The following CEP128 variants were observed in gnomAD, a reference collection of about 807,000 sequenced individuals.
CEP128 encodes the protein centrosomal protein 128.
Under a neutral mutation model 156.7 loss-of-function variants are expected in CEP128, and 132 were observed. That is an observed-to-expected ratio of 0.84 (90% CI 0.73 to 0.97). The LOEUF is 0.97. CEP128 is among the 50% of genes least tolerant of loss of function. CEP128 has a pLI of 0.00. For synonymous variants in CEP128, 469 were observed against 448.9 expected (o/e 1.04, Z -0.57); for missense variants, 1,252 against 1,281.9 (o/e 0.98, Z 0.36).
chr14:80,541,889 A>C (rs1889779556), intron 21 of CEP128, among the ~76,000 whole-genome samples: 1 of 152,214 alleles, frequency 6.6e-6, no homozygotes, highest in Non-Finnish European at 1.5e-5. Flanking sequence ...ACCTGAGTTT[A>C]AACCCTGGGT....
intron 19 of CEP128, among the ~76,000 whole-genome samples, chr14:80,723,021 A>T (rs2619675): frequency 0.63 from 95,725 of 151,502 alleles, 32,445 homozygotes; most frequent in African/African-American, 0.89. Context: ...AGAGACGGGG[A>T]TTCACCGTGT....
chr14:80,831,402 AT>A (rs1885790879), intron 12 of CEP128, 108 bp from the exon 13 acceptor site: 1 of 1,170,248 alleles, frequency 8.5e-7, no homozygotes, highest in African/African-American at 1.5e-5. Flanking sequence ...ATCATAATCC[AT>A]TTATTGACAG....
chr14:80,698,289 A>T (rs897830832), intron 19 of CEP128, among the ~76,000 whole-genome samples: 1 of 152,106 alleles, frequency 6.6e-6, no homozygotes, highest in Non-Finnish European at 1.5e-5. Flanking sequence ...TCCACATTTA[A>T]GAAACTATTT....
At chr14:80,585,456 A>T (rs1315170977) in intron 19 of CEP128, among the ~76,000 whole-genome samples, 1 of 152,196 alleles carries the variant, frequency 6.6e-6, no homozygotes, top group African/African-American at 2.4e-5. Context: ...CCCATCTAGT[A>T]ACTTGAACCT....
At position 80,540,876 on chromosome 14, in the gene CEP128, C is replaced by A. The variant is rs142084973; in HGVS notation, c.2881-9990G>T. Reference sequence around the variant, plus strand: ...AGAATAGGCGGAATCCCCAGAAGGCCAATGGTACCATACCAAATGCTCCCG... The same window carrying A: ...AGAATAGGCGGAATCCCCAGAAGGCAAATGGTACCATACCAAATGCTCCCG... On this transcript the variant is annotated intron_variant, in intron 21 of 24. Coordinates refer to ENST00000555265, the MANE Select transcript of CEP128 (RefSeq NM_152446.5). Among the ~76,000 whole-genome samples, 740 of 152,244 alleles carry A rather than the reference C, an allele frequency of 4.9e-3. 3 individuals carry two copies. The highest frequency in any genetic ancestry group is 8.0e-3 in the Non-Finnish European group (546 of 68,020).
intron 8 of CEP128, among the ~76,000 whole-genome samples, chr14:80,881,171 C>A (rs954640961): frequency 2.0e-5 from 3 of 151,464 alleles, no homozygotes; most frequent in Admixed American, 2.0e-4. Flanking sequence ...AATTGACAAA[C>A]CTTTAGTCAA....
Position 80,497,116 on chromosome 14 carries a change from C to T in CEP128, c.*363G>A. Reference sequence around the variant, plus strand: ...GGCAACTTTTGCCTCAAGGGAAACTCATTTTCCTTCTTTTTAGCCAGTAAT... The same window carrying T: ...GGCAACTTTTGCCTCAAGGGAAACTTATTTTCCTTCTTTTTAGCCAGTAAT... On this transcript the variant is annotated 3_prime_UTR_variant, in exon 25 of 25. Coordinates refer to ENST00000555265, the MANE Select transcript of CEP128 (RefSeq NM_152446.5). 5.8e-6 allele frequency: 1 copy of T among 172,500 alleles called. No individual in the cohort carries two copies. The highest frequency in any genetic ancestry group is 6.2e-5 in the Admixed American group (1 of 16,096). 10.7% of individuals were successfully genotyped at this position (172,500 alleles called of 1,614,324 possible).
chr14:80,512,906 A>G (rs564384865), intron 23 of CEP128, among the ~76,000 whole-genome samples: 64 of 152,092 alleles, frequency 4.2e-4, no homozygotes, highest in African/African-American at 1.4e-3. Context: ...TGTTGTCTCT[A>G]TTTTTATCTT....
At chr14:80,638,995 T>C (rs117670930) in intron 19 of CEP128, among the ~76,000 whole-genome samples, 2,578 of 152,288 alleles carry the variant, frequency 0.017, 31 homozygotes, top group Middle Eastern at 0.027. Context: ...GAATAAATTA[T>C]GGAATGCAGC....
chr14:80,576,550 C>T lies in CEP128; in HGVS notation c.2856+3824G>A, dbSNP rs74064280. On this transcript the variant is annotated intron_variant, in intron 20 of 24. Transcript: ENST00000555265. ...TCCTCTTAAGATTGAAAACACTCTC[C>T]TCCCTGAGGCTCCACCCCCCCTGCC... is the stretch of plus-strand genomic sequence containing the variant. Among the ~76,000 whole-genome samples, 764 of 152,216 alleles carry T rather than the reference C, an allele frequency of 5.0e-3. 13 individuals carry two copies. The highest frequency in any genetic ancestry group is 0.017 in the African/African-American group (720 of 41,546).
chr14:80,666,026 C>T (rs1895598470), intron 19 of CEP128, among the ~76,000 whole-genome samples: 1 of 152,034 alleles, frequency 6.6e-6, no homozygotes, highest in African/African-American at 2.4e-5. Context: ...AGGGCTTTTC[C>T]AATTGCAAAG....
At chr14:80,935,758 T>A (rs916299592) in intron 2 of CEP128, among the ~76,000 whole-genome samples, 1 of 150,990 alleles carries the variant, frequency 6.6e-6, no homozygotes. Flanking sequence ...GTGGTCATCA[T>A]GGTAGAAGCC....
chr14:80,800,279 C>T (rs1212884925), intron 13 of CEP128, among the ~76,000 whole-genome samples: 1 of 152,204 alleles, frequency 6.6e-6, no homozygotes, highest in Non-Finnish European at 1.5e-5. Context: ...ATAACACCGA[C>T]TTCCAGAGGA....
At chr14:80,806,046 T>C (rs550202809) in intron 13 of CEP128, among the ~76,000 whole-genome samples, 215 of 152,326 alleles carry the variant, frequency 1.4e-3, no homozygotes, top group African/African-American at 5.0e-3. Flanking sequence ...ATATCCCATA[T>C]ATTATTCCTT....
upstream of CEP128, chr14:80,941,919 A>AT (rs1212035587): frequency 1.3e-5 from 2 of 151,180 alleles, no homozygotes; most frequent in South Asian, 2.1e-4. Flanking sequence ...TAAAAGCCTG[A>AT]TCCCTTGGCC....
At chr14:80,678,049 A>AATATATATATATATATATAT (rs1555390205) in intron 19 of CEP128, among the ~76,000 whole-genome samples, 71 of 98,486 alleles carry the variant, frequency 7.2e-4, no homozygotes, top group African/African-American at 2.2e-3. Context: ...ATAAAAAAAA[A>AATATATATATATATATATAT]ATATATATAT....
At chr14:80,857,765 C>A (rs35314645) in intron 9 of CEP128, among the ~76,000 whole-genome samples, 44,905 of 143,234 alleles carry the variant, frequency 0.31, 8,194 homozygotes, top group Non-Finnish European at 0.4. Flanking sequence ...ACAACAACAA[C>A]AACAAAAAAC....
In CEP128 at chr14:80,526,974, G is replaced by A. The variant is rs1889000109; in HGVS notation, c.2967C>T (p.Cys989=). ...TTCCATCAGTTCTCTCAGATGAACT[G>A]CAGGAATCCTGGAAAAAAAAAAAAG... ...LEDFKDFRDS[C]SSSERTDGRY... Residue 989 remains cysteine, a synonymous_variant, in exon 23 of 25, where the codon TGC becomes TGT. Transcript: ENST00000555265. 1.3e-6 allele frequency: 2 copies of A among 1,514,576 alleles called. No individual in the cohort carries two copies. Among genetic ancestry groups the A allele is most frequent in the South Asian group, 1.2e-5 (1 of 84,834 alleles). 93.8% of individuals were successfully genotyped at this position (1,514,576 alleles called of 1,614,324 possible).
chr14:80,878,227 T>C (rs770444408), intron 8 of CEP128, among the ~76,000 whole-genome samples: 17 of 152,158 alleles, frequency 1.1e-4, no homozygotes, highest in Non-Finnish European at 2.9e-5. Context: ...GCTGCACTTT[T>C]AGCAGTGCCT....
Sources: gnomAD v4.1 joint callset for allele counts (sites outside exome capture counted in the v4.1 genomes callset) on GRCh38, gnomAD v4.1.1 for gene constraint, MANE v1.5 for transcripts, NCBI Gene and HGNC (gene_info 2026-07-23, HGNC 2026-07-21) for gene names.